Variants in TRAPPC9 observed in about 807,000 individuals in gnomAD.
TRAPPC9 encodes the protein IKK2 binding protein.
TRAPPC9 carries 83 observed loss-of-function variants against 124.0 expected under a neutral mutation model. The ratio of observed to expected loss-of-function variants is 0.67; its 90% CI spans 0.56 to 0.80. TRAPPC9 has a LOEUF of 0.80. TRAPPC9 is among the 30% of genes least tolerant of loss of function. The probability of loss-of-function intolerance (pLI) is 0.00; values close to 1 mark genes in which losing one functional copy is unlikely to be tolerated. For synonymous variants in TRAPPC9, 638 were observed against 617.5 expected (o/e 1.03, Z -0.49); for missense variants, 1,302 against 1,508.3 (o/e 0.86, Z 2.27).
intron 11 of TRAPPC9, 94 bp downstream of exon 11, chr8:140,300,375 A>C (rs1357868165): frequency 1.3e-6 from 2 of 1,545,618 alleles, no homozygotes; most frequent in Non-Finnish European, 1.8e-6. Flanking sequence ...ATGCACATGC[A>C]TGAACTGGCT....
chr8:140,370,115 A>AC (rs2068236353), intron 8 of TRAPPC9, among the ~76,000 whole-genome samples: 1 of 141,678 alleles, frequency 7.1e-6, no homozygotes, highest in South Asian at 2.3e-4. Context: ...TCTAAAAGTA[A>AC]CCCCTCAAAA....
intron 21 of TRAPPC9, among the ~76,000 whole-genome samples, chr8:139,877,763 T>C (rs1317322780): frequency 3.0e-4 from 45 of 152,306 alleles, no homozygotes; most frequent in Non-Finnish European, 1.5e-5. Context: ...ATGAGGAACA[T>C]GCTCTCTGCT....
intron 19 of TRAPPC9, among the ~76,000 whole-genome samples, chr8:139,974,161 G>A (rs978686970): frequency 1.3e-5 from 2 of 152,174 alleles, no homozygotes; most frequent in African/African-American, 4.8e-5. Flanking sequence ...GATGGATGGG[G>A]AATCTGAGAT....
chr8:140,165,256 G>A (rs879460403), intron 17 of TRAPPC9, among the ~76,000 whole-genome samples: 29 of 151,956 alleles, frequency 1.9e-4, no homozygotes, highest in Non-Finnish European at 3.5e-4. Flanking sequence ...CAAGAGAATC[G>A]CTTGAACCCG....
chr8:140,033,057 A>AT (rs897503727), intron 17 of TRAPPC9, among the ~76,000 whole-genome samples: 1 of 151,910 alleles, frequency 6.6e-6, no homozygotes, highest in Non-Finnish European at 1.5e-5. Context: ...TCATTTCCCT[A>AT]TTTTTTTAAT....
intron 17 of TRAPPC9, among the ~76,000 whole-genome samples, chr8:140,183,402 C>T (rs1485607331): frequency 6.6e-6 from 1 of 152,196 alleles, no homozygotes. Context: ...CAAAGGAATC[C>T]ACTTAGGAAA....
intron 3 of TRAPPC9, among the ~76,000 whole-genome samples, chr8:140,438,849 G>A (rs1049067177): frequency 1.3e-5 from 2 of 152,066 alleles, no homozygotes; most frequent in African/African-American, 2.4e-5. Flanking sequence ...GTGCCACCAC[G>A]CCCAGCTAAT....
At chr8:140,403,527 T>C (rs1257259472) in intron 6 of TRAPPC9, among the ~76,000 whole-genome samples, 1 of 152,092 alleles carries the variant, frequency 6.6e-6, no homozygotes, top group Non-Finnish European at 1.5e-5. Flanking sequence ...ATTACAGGCA[T>C]GAGCCAATGC....
At chr8:140,123,541 C>G (rs1356216774) in intron 17 of TRAPPC9, among the ~76,000 whole-genome samples, 1 of 152,188 alleles carries the variant, frequency 6.6e-6, no homozygotes, top group African/African-American at 2.4e-5. Flanking sequence ...TACTGACATA[C>G]TGCTTCCTCT....
chr8:140,136,566 G>A (rs756657334), intron 17 of TRAPPC9, among the ~76,000 whole-genome samples: 33 of 152,282 alleles, frequency 2.2e-4, no homozygotes, highest in Admixed American at 1.3e-3. Context: ...GGCTGGGCAC[G>A]GTGGCTCACA....
chr8:139,975,733 C>A (rs1191951405), intron 19 of TRAPPC9, among the ~76,000 whole-genome samples: 1 of 152,086 alleles, frequency 6.6e-6, no homozygotes, highest in Non-Finnish European at 1.5e-5. Flanking sequence ...ATTTCCCTCC[C>A]AACTTCACCC....
rs1842715337 is a variant in TRAPPC9 at position 140,063,008 on chromosome 8, G to C, written c.2557-38929C>G. ...AGGAAACTTACAATCGTGGCAGAAG[G>C]TAAAGGGGAAGCAAGGGACCTTCTT... On this transcript the variant is annotated intron_variant, in intron 17 of 22. Transcript: ENST00000438773. The surrounding 1 kb of genome is among the most constrained non-coding windows in gnomAD (Gnocchi z 4.3). 6.6e-6 allele frequency among the ~76,000 whole-genome samples: 1 copy of C among 152,046 alleles called. No individual in the cohort carries two copies.
intron 17 of TRAPPC9, among the ~76,000 whole-genome samples, chr8:140,113,471 G>A (rs2060820237): frequency 6.6e-6 from 1 of 152,216 alleles, no homozygotes; most frequent in South Asian, 2.1e-4. Flanking sequence ...AAAATGTCGG[G>A]TGGTGATTTC....
intron 21 of TRAPPC9, among the ~76,000 whole-genome samples, chr8:139,807,609 G>A (rs981364588): frequency 1.3e-5 from 2 of 152,196 alleles, no homozygotes; most frequent in African/African-American, 2.4e-5. Context: ...GAGGCACTGC[G>A]GACGAAAGTG....
chr8:140,320,811 T>C (rs1293098187), intron 9 of TRAPPC9, among the ~76,000 whole-genome samples: 1 of 152,240 alleles, frequency 6.6e-6, no homozygotes, highest in East Asian at 1.9e-4. Context: ...TCTGTGAAGC[T>C]GGATCTCAAA....
chr8:140,327,041 C>T (rs139316954), intron 9 of TRAPPC9, among the ~76,000 whole-genome samples: 1 of 152,080 alleles, frequency 6.6e-6, no homozygotes, highest in Non-Finnish European at 1.5e-5. Flanking sequence ...CACCTGAGGT[C>T]AGGAGTTCCA....
intron 17 of TRAPPC9, among the ~76,000 whole-genome samples, chr8:140,163,009 T>G (rs2130900306): frequency 6.6e-6 from 1 of 152,172 alleles, no homozygotes; most frequent in African/African-American, 2.4e-5. Context: ...AAGAAATTAT[T>G]ACAATGGTAA....
chr8:140,370,037 T>A lies in TRAPPC9; in HGVS notation c.1351+927A>T, dbSNP rs150829348. Among the ~76,000 whole-genome samples, 83 of 152,318 alleles carry A rather than the reference T, an allele frequency of 5.4e-4. No homozygotes were observed. The East Asian group carries it at 0.015, about 28-fold the overall frequency. On this transcript the variant is annotated intron_variant, in intron 8 of 22. Transcript: ENST00000438773. Reference sequence around the variant, plus strand: ...TTAACCTAGATGACATCACAGTTCTTTCCTGTCTAGAAGCCTATACCTTCA... The same window carrying A: ...TTAACCTAGATGACATCACAGTTCTATCCTGTCTAGAAGCCTATACCTTCA...
intron 14 of TRAPPC9, among the ~76,000 whole-genome samples, chr8:140,279,223 C>CT (rs1422753207): frequency 6.6e-6 from 1 of 152,202 alleles, no homozygotes. Context: ...TCTAGTTAGT[C>CT]TGAGTACCTC....
Sources: allele counts gnomAD v4.1 joint callset (sites outside exome capture counted in the v4.1 genomes callset), GRCh38; gene constraint gnomAD v4.1.1; non-coding constraint Gnocchi (gnomAD v3.1); transcripts MANE v1.5; gene names NCBI Gene and HGNC (gene_info 2026-07-23, HGNC 2026-07-21).